C6: variants seen among roughly 807,000 people sequenced by gnomAD.
C6 encodes the protein complement C6.
C6 carries 101 observed loss-of-function variants against 112.9 expected under a neutral mutation model. The observed-to-expected ratio is 0.89, with a 90% confidence interval of 0.76 to 1.06. The LOEUF is 1.06. C6 is among the 50% of genes least tolerant of loss of function. The pLI is 0.00. For synonymous variants in C6, 431 were observed against 384.1 expected (o/e 1.12, Z -1.43); for missense variants, 1,202 against 1,104.6 (o/e 1.09, Z -1.25).
chr5:41,226,259 A>G (rs983056618), intron 1 of C6, among the ~76,000 whole-genome samples: 9 of 152,152 alleles, frequency 5.9e-5, no homozygotes, highest in African/African-American at 2.2e-4. Flanking sequence ...TTTACAAGAC[A>G]AAAACAAACA....
At chr5:41,189,555 T>A (rs1162167992) in intron 5 of C6, among the ~76,000 whole-genome samples, 1 of 152,080 alleles carries the variant, frequency 6.6e-6, no homozygotes, top group Non-Finnish European at 1.5e-5. Flanking sequence ...GATGTTTAGA[T>A]ACATACAATG....
intron 1 of C6, among the ~76,000 whole-genome samples, chr5:41,258,363 A>G (rs549375973): frequency 1.1e-3 from 160 of 152,282 alleles, no homozygotes; most frequent in African/African-American, 3.5e-3. Flanking sequence ...TGGCTGAAGT[A>G]TCTACACTGT....
intron 1 of C6, among the ~76,000 whole-genome samples, chr5:41,259,360 T>A (rs1016157644): frequency 6.6e-6 from 1 of 152,102 alleles, no homozygotes; most frequent in African/African-American, 2.4e-5. Flanking sequence ...TGTATATGGG[T>A]TTCTAGAATC....
intron 1 of C6, among the ~76,000 whole-genome samples, chr5:41,239,388 A>G (rs1462813266): frequency 6.6e-6 from 1 of 152,108 alleles, no homozygotes; most frequent in Non-Finnish European, 1.5e-5. Flanking sequence ...CTGGGGTTAC[A>G]GGGGTGAGTC....
rs536949878 is a variant in C6 at position 41,157,863 on chromosome 5, A to G, written c.1968+811T>C. On this transcript the variant is annotated intron_variant, in intron 13 of 17. Transcript: ENST00000337836. ...CCTTCCTCTGAAATATTTCCTCCCC[A>G]TAAACTTTAAGGTATGGTCCTTATG... Among the ~76,000 whole-genome samples, 20 of 152,284 alleles carry G rather than the reference A, an allele frequency of 1.3e-4. No individual in the cohort carries two copies. In the South Asian group the frequency reaches 1.4e-3, roughly 11 times the overall value.
At chr5:41,196,697 T>C (rs1750648017) in intron 4 of C6, among the ~76,000 whole-genome samples, 1 of 151,676 alleles carries the variant, frequency 6.6e-6, no homozygotes, top group Non-Finnish European at 1.5e-5. Context: ...TATATAATTG[T>C]TTTCCTGCAT....
intron 1 of C6, among the ~76,000 whole-genome samples, chr5:41,247,885 CA>C (rs968745985): frequency 1.8e-4 from 27 of 151,224 alleles, no homozygotes; most frequent in South Asian, 1.7e-3. Flanking sequence ...CCAGAATAAG[CA>C]AAAAAAACAA....
In C6 at chr5:41,158,768, T is replaced by A; in HGVS notation, c.1874A>T (p.Asn625Ile). ...IMENNGQPCI[N>I]DDEEMKEVDL... ...GACCTCTTTCATTTCTTCGTCATCATTGATACATGGTTGTCCACTAAAAGG... is the reference window on the plus strand; with the variant it reads ...GACCTCTTTCATTTCTTCGTCATCAATGATACATGGTTGTCCACTAAAAGG... Residue 625 changes from asparagine to isoleucine, a missense_variant, in exon 13 of 18, where the codon AAT (asparagine) becomes ATT (isoleucine). Coordinates refer to ENST00000337836, the MANE Select transcript of C6 (RefSeq NM_000065.5). 1 of 1,582,872 alleles carries A rather than the reference T, an allele frequency of 6.3e-7. No homozygotes were observed.
intron 1 of C6, among the ~76,000 whole-genome samples, chr5:41,253,947 G>A (rs1361582393): frequency 6.6e-6 from 1 of 152,114 alleles, no homozygotes; most frequent in South Asian, 2.1e-4. Context: ...AACATTCCAA[G>A]TTCTCTAAGT....
chr5:41,153,826 A>T lies in C6; in HGVS notation c.2274T>A (p.Ser758=). 4 of 1,612,854 alleles carry T rather than the reference A, an allele frequency of 2.5e-6. No homozygotes were observed. The highest frequency in any genetic ancestry group is 3.4e-6 in the Non-Finnish European group (4 of 1,179,468). Residue 758 remains serine (S), a synonymous_variant, in exon 15 of 18, where the codon TCT becomes TCA. Transcript: ENST00000337836. ...GCTACTCACCTTTTTCACAGGTGAG[A>T]GAGTTTGAAATGGGTGGTGTCCAGG... ...GNSWTPPISN[S]LTCEKDTLTK...
At chr5:41,231,550 A>C (rs2150413782) in intron 1 of C6, among the ~76,000 whole-genome samples, 1 of 152,250 alleles carries the variant, frequency 6.6e-6, no homozygotes, top group South Asian at 2.1e-4. Flanking sequence ...TATCTAAGCT[A>C]ATATGCTGTT....
intron 9 of C6, among the ~76,000 whole-genome samples, chr5:41,168,486 T>G (rs540095799): frequency 2.0e-5 from 3 of 152,300 alleles, no homozygotes; most frequent in African/African-American, 7.2e-5. Context: ...CAGGGACACC[T>G]TCTCTACTGT....
chr5:41,228,743 G>A (rs1739688771), intron 1 of C6, among the ~76,000 whole-genome samples: 1 of 152,008 alleles, frequency 6.6e-6, no homozygotes, highest in African/African-American at 2.4e-5. Context: ...TTATGTTAAT[G>A]TACATTTATT....
At chr5:41,168,499 C>T (rs565076934) in intron 9 of C6, among the ~76,000 whole-genome samples, 23 of 152,272 alleles carry the variant, frequency 1.5e-4, no homozygotes, top group Admixed American at 4.6e-4. Flanking sequence ...TCTACTGTGA[C>T]GATGCTCCTA....
intron 11 of C6, 65 bp downstream of exon 11, chr5:41,160,077 A>G (rs753503064): frequency 3.0e-6 from 4 of 1,322,282 alleles, no homozygotes; most frequent in Non-Finnish European, 3.3e-6. Context: ...TTTTTAATTG[A>G]CCAACTTAGA....
intron 1 of C6, among the ~76,000 whole-genome samples, chr5:41,204,670 C>CTTTT (rs1196116815): frequency 0.02 from 1,998 of 98,544 alleles, 107 homozygotes; most frequent in African/African-American, 0.072. Context: ...TTTTTTTTTT[C>CTTTT]TTTTTTTTTT....
At chr5:41,150,613 G>T (rs2150233950) in intron 15 of C6, among the ~76,000 whole-genome samples, 1 of 152,290 alleles carries the variant, frequency 6.6e-6, no homozygotes, top group Admixed American at 6.5e-5. Context: ...CAGTGGTCGG[G>T]CATAGTGGCT....
At chr5:41,187,791 T>G (rs1361160286) in intron 5 of C6, among the ~76,000 whole-genome samples, 1 of 152,060 alleles carries the variant, frequency 6.6e-6, no homozygotes, top group Non-Finnish European at 1.5e-5. Flanking sequence ...TTATAGTAGT[T>G]GTGGAAATTA....
intron 5 of C6, among the ~76,000 whole-genome samples, chr5:41,191,168 G>T (rs917937748): frequency 1.4e-5 from 2 of 144,922 alleles, no homozygotes; most frequent in African/African-American, 5.1e-5. Flanking sequence ...CCGGGTTCAA[G>T]CGATTCTCTT....
Sources: gnomAD v4.1 joint callset for allele counts (sites outside exome capture counted in the v4.1 genomes callset) on GRCh38, gnomAD v4.1.1 for gene constraint, MANE v1.5 for transcripts, NCBI Gene and HGNC (gene_info 2026-07-23, HGNC 2026-07-21) for gene names.